Variants in RAI14 observed in about 807,000 individuals in gnomAD.
The protein encoded by RAI14 is ankycorbin.
RAI14 carries 45 observed loss-of-function variants against 115.4 expected under a neutral mutation model. The ratio of observed to expected loss-of-function variants is 0.39; its 90% CI spans 0.31 to 0.50. The LOEUF (loss-of-function observed/expected upper bound fraction) is 0.50, where lower values mean the gene tolerates loss of function less well. Ranked by LOEUF, RAI14 falls within the 20% of genes least tolerant of loss-of-function variation. The pLI, the probability that RAI14 is intolerant of heterozygous loss-of-function variation, is 0.85. For synonymous variants in RAI14, 371 were observed against 415.4 expected (o/e 0.89, Z 1.30); for missense variants, 939 against 1,131.2 (o/e 0.83, Z 2.44).
intron 2 of RAI14, among the ~76,000 whole-genome samples, chr5:34,709,208 G>C (rs1741100847): frequency 6.6e-6 from 1 of 151,910 alleles, no homozygotes; most frequent in Non-Finnish European, 1.5e-5. Flanking sequence ...AGCAATTTGG[G>C]AGGCCAAGGT....
intron 3 of RAI14, among the ~76,000 whole-genome samples, chr5:34,784,566 C>G (rs1466713984): frequency 6.6e-6 from 1 of 152,150 alleles, no homozygotes; most frequent in Non-Finnish European, 1.5e-5. Flanking sequence ...CTCCCATTTC[C>G]TATCATAGTA....
intron 3 of RAI14, among the ~76,000 whole-genome samples, chr5:34,790,796 A>G (rs1752837130): frequency 6.7e-6 from 1 of 149,672 alleles, no homozygotes; most frequent in Non-Finnish European, 1.5e-5. Flanking sequence ...TATATAGTAT[A>G]GAATATTTAG....
In RAI14 at chr5:34,813,544, C is replaced by T. The variant is rs1755843091; in HGVS notation, c.766-30C>T. 3 of 1,551,778 alleles carry T rather than the reference C, an allele frequency of 1.9e-6. No homozygotes were observed. In the Admixed American group the frequency reaches 5.1e-5, roughly 26 times the overall value. On this transcript the variant is annotated intron_variant, in intron 10 of 17. Transcript: ENST00000265109. ...GACTTTACTAACCAAACTAACCCAC[C>T]TCCATTCTTTGGACTGTGATAACTT...
At chr5:34,741,094 T>C (rs1646642903) in intron 2 of RAI14, among the ~76,000 whole-genome samples, 1 of 152,214 alleles carries the variant, frequency 6.6e-6, no homozygotes, top group Non-Finnish European at 1.5e-5. Flanking sequence ...AATAATGAGT[T>C]TGGAGCATTG....
At chr5:34,684,094 G>T (rs1043301797) in intron 1 of RAI14, among the ~76,000 whole-genome samples, 1 of 150,822 alleles carries the variant, frequency 6.6e-6, no homozygotes, top group Non-Finnish European at 1.5e-5. Flanking sequence ...GTTAGCCAGC[G>T]ACAGTTGGGG....
chr5:34,670,291 G>A (rs1316114444), intron 1 of RAI14, among the ~76,000 whole-genome samples: 1 of 152,290 alleles, frequency 6.6e-6, no homozygotes, highest in Admixed American at 6.5e-5. Context: ...TGTTGGGCTT[G>A]GAACTTGAAC....
chr5:34,683,881 T>G (rs563974339), intron 1 of RAI14, among the ~76,000 whole-genome samples: 1 of 152,122 alleles, frequency 6.6e-6, no homozygotes. Flanking sequence ...GCGCCCGCCA[T>G]CACGCCCGGC....
chr5:34,728,854 T>C (rs1743815366), intron 2 of RAI14, among the ~76,000 whole-genome samples: 7 of 151,914 alleles, frequency 4.6e-5, no homozygotes. Context: ...TTGAGGAGTT[T>C]AAGGCTGCAG....
intron 2 of RAI14, among the ~76,000 whole-genome samples, chr5:34,744,472 T>G (rs1218991486): frequency 6.6e-6 from 1 of 152,196 alleles, no homozygotes; most frequent in Non-Finnish European, 1.5e-5. Flanking sequence ...ACCAGCAGAC[T>G]GAGGTCTCTC....
intron 1 of RAI14, among the ~76,000 whole-genome samples, chr5:34,659,542 A>C (rs1360811762): frequency 6.6e-6 from 1 of 152,162 alleles, no homozygotes; most frequent in Admixed American, 6.5e-5. Context: ...TGCATGAGCC[A>C]CTGTGCCTGG....
intron 1 of RAI14, among the ~76,000 whole-genome samples, chr5:34,674,762 A>G (rs940133389): frequency 1.3e-5 from 2 of 151,426 alleles, no homozygotes; most frequent in South Asian, 2.1e-4. Flanking sequence ...TAATTTTTGT[A>G]TTTTTTAGTG....
chr5:34,732,755 G>T (rs984907718), intron 2 of RAI14, among the ~76,000 whole-genome samples: 1 of 146,248 alleles, frequency 6.8e-6, no homozygotes, highest in African/African-American at 2.5e-5. Flanking sequence ...TCATATATAT[G>T]TATACATATA....
chr5:34,732,234 G>A (rs1392078895), intron 2 of RAI14, among the ~76,000 whole-genome samples: 1 of 152,144 alleles, frequency 6.6e-6, no homozygotes, highest in Non-Finnish European at 1.5e-5. Context: ...TTCAGCTGCA[G>A]CCAATGGACC....
chr5:34,821,580 T>C, intron 13 of RAI14, 152 bp from the exon 14 acceptor site: 1 of 561,470 alleles, frequency 1.8e-6, no homozygotes, highest in Non-Finnish European at 3.2e-6. Context: ...CTATATAAAA[T>C]GAAAATTTTA....
intron 2 of RAI14, among the ~76,000 whole-genome samples, chr5:34,712,270 A>G (rs573869051): frequency 7.6e-4 from 116 of 152,342 alleles, no homozygotes; most frequent in Non-Finnish European, 1.3e-3. Context: ...TCTTCAAGGT[A>G]CATTTCCTGA....
intron 1 of RAI14, among the ~76,000 whole-genome samples, chr5:34,674,042 C>T (rs939544269): frequency 1.4e-4 from 21 of 152,004 alleles, no homozygotes; most frequent in Non-Finnish European, 7.4e-5. Context: ...CAGGCCACAG[C>T]GTTCTGCTCA....
chr5:34,813,640 C>T lies in RAI14; in HGVS notation c.832C>T (p.Pro278Ser), dbSNP rs1393619771. The T allele has an allele frequency of 6.2e-7, 1 of 1,612,398 alleles. No homozygotes were observed. The highest frequency in any genetic ancestry group is 8.5e-7 in the Non-Finnish European group (1 of 1,178,680). Residue 278 changes from proline to serine, a missense_variant, in exon 11 of 18, where the codon CCT becomes TCT. By Grantham distance (74) the Pro-to-Ser change is moderately conservative. Transcript: ENST00000265109. ...TCCAAAAAAACGCAAAGCTCCACCA[C>T]CTCCTATCAGTCCTACCCAGGTAAA... ...GTPKKRKAPP[P>S]PISPTQLSDV...
At chr5:34,750,808 C>T (rs1746876546) in intron 2 of RAI14, among the ~76,000 whole-genome samples, 1 of 148,884 alleles carries the variant, frequency 6.7e-6, no homozygotes, top group Non-Finnish European at 1.5e-5. Context: ...TAATCATGAC[C>T]CTTACTTTTA....
chr5:34,708,347 C>G (rs1740980743), intron 2 of RAI14, among the ~76,000 whole-genome samples: 3 of 152,098 alleles, frequency 2.0e-5, no homozygotes, highest in Non-Finnish European at 2.9e-5. Context: ...GGATTACAGG[C>G]ATGCGCCACC....
Sources: allele counts gnomAD v4.1 joint callset (sites outside exome capture counted in the v4.1 genomes callset), GRCh38; gene constraint gnomAD v4.1.1; transcripts MANE v1.5; gene names NCBI Gene and HGNC (gene_info 2026-07-23, HGNC 2026-07-21).